Variants in FAM13B observed in about 807,000 individuals in gnomAD.
FAM13B encodes the protein family with sequence similarity 13 member B.
FAM13B carries 60 observed loss-of-function variants against 117.3 expected under a neutral mutation model. The ratio of observed to expected loss-of-function variants is 0.51; its 90% CI spans 0.42 to 0.63. The LOEUF is 0.63. FAM13B is among the 30% of genes least tolerant of loss of function. FAM13B has a pLI of 0.00. For missense variants in FAM13B, 972 were observed against 1,091.9 expected (o/e 0.89, Z 1.55); for synonymous variants, 332 against 356.1 (o/e 0.93, Z 0.76).
At chr5:137,988,173 G>T (rs1777699743) in intron 8 of FAM13B, 101 bp downstream of exon 8, 4 of 858,276 alleles carry the variant, frequency 4.7e-6, no homozygotes, top group East Asian at 5.9e-5. Flanking sequence ...CCTGTGTACA[G>T]TCTTTCCTCT....
At position 137,939,788 on chromosome 5, in the gene FAM13B, A is replaced by C; in HGVS notation, c.*437T>G. 8.8e-7 allele frequency: 1 copy of C among 1,131,832 alleles called. No homozygotes were observed. Among genetic ancestry groups the C allele is most frequent in the Non-Finnish European group, 1.1e-6 (1 of 907,776 alleles). The allele number at this position is 1,131,832 out of a possible 1,614,324, so 70.1% of individuals were successfully genotyped here. A position where few individuals can be genotyped will look rare whatever the true frequency, so the allele number is the denominator to read the frequency against. On this transcript the variant is annotated 3_prime_UTR_variant, in exon 24 of 24. Coordinates refer to ENST00000689681, the MANE Select transcript of FAM13B (RefSeq NM_001385994.1). ...GCACTTTTATAGGCTTTTCTTTCAA[A>C]TTTTCAGTCATTCTGTAAGAAAAAG...
intron 20 of FAM13B, among the ~76,000 whole-genome samples, chr5:137,944,222 T>C (rs893420392): frequency 2.0e-5 from 3 of 152,138 alleles, no homozygotes. Context: ...GGCTGAAGAG[T>C]ATTTTGAGTG....
In FAM13B at chr5:138,032,884, G is replaced by A. The variant is rs1046582485; in HGVS notation, c.-305C>T. 1.3e-5 allele frequency: 13 copies of A among 985,638 alleles called. No individual in the cohort carries two copies. In the East Asian group the frequency reaches 3.4e-4, roughly 26 times the overall value. 61.1% of individuals were successfully genotyped at this position (985,638 alleles called of 1,614,324 possible). ...TGAGGCCCCAAGTGGCTCCGCGGCC[G>A]AGAAGCCTCTTCCTGGGGCGGCCGC... is the stretch of plus-strand genomic sequence containing the variant. On this transcript the variant is annotated 5_prime_UTR_variant, in exon 1 of 24. Transcript: ENST00000689681.
chr5:137,943,478 G>T (rs1274284620), intron 20 of FAM13B, among the ~76,000 whole-genome samples: 2 of 152,244 alleles, frequency 1.3e-5, no homozygotes, highest in Non-Finnish European at 2.9e-5. Context: ...CAGGCACGGT[G>T]GCTAACGCCT....
Position 138,043,154 on chromosome 5 carries a change from A to T in FAM13B, c.-203+8724T>A, listed in dbSNP as rs146688333. On this transcript the variant is annotated intron_variant, in intron 1 of 3. Transcript: ENST00000502471. ...AGGCCAGCAAGAATCACTTGAGGCC[A>T]GGAATTGGAGACCAGCCTGAGCACC... Among the ~76,000 whole-genome samples, 533 of 152,308 alleles carry T rather than the reference A, an allele frequency of 3.5e-3. 2 individuals are homozygous for T. The highest frequency in any genetic ancestry group is 0.012 in the African/African-American group (516 of 41,582).
At chr5:138,022,112 C>CAAA (rs34110085) in intron 1 of FAM13B, among the ~76,000 whole-genome samples, 3 of 135,618 alleles carry the variant, frequency 2.2e-5, no homozygotes, top group Admixed American at 7.3e-5. Flanking sequence ...GATCCTGTCT[C>CAAA]AAAAAAAAAA....
At chr5:137,952,866 T>A (rs1765431419) in intron 16 of FAM13B, among the ~76,000 whole-genome samples, 157 bp from the exon 17 acceptor site, 1 of 152,202 alleles carries the variant, frequency 6.6e-6, no homozygotes, top group South Asian at 2.1e-4. Context: ...AGTCAAGTTC[T>A]CCCAAGGTAA....
At chr5:138,010,863 C>T in intron 6 of FAM13B, 145 bp downstream of exon 6, 1 of 813,112 alleles carries the variant, frequency 1.2e-6, no homozygotes, top group South Asian at 3.0e-5. Flanking sequence ...AATGTGCCAC[C>T]TACTGATTAC....
intron 16 of FAM13B, 58 bp from the exon 17 acceptor site, chr5:137,952,767 T>G: frequency 9.9e-7 from 1 of 1,010,770 alleles, no homozygotes; most frequent in East Asian, 2.4e-5. Flanking sequence ...TTACATTAAT[T>G]TATGTCCAAA....
chr5:138,049,569 G>A (rs1791743193), intron 1 of FAM13B, among the ~76,000 whole-genome samples: 1 of 152,022 alleles, frequency 6.6e-6, no homozygotes, highest in African/African-American at 2.4e-5. Flanking sequence ...CACCGTGCCC[G>A]GCCTAGAGTG....
Position 137,949,139 on chromosome 5 carries a change from C to T in FAM13B, c.1976G>A (p.Arg659His), listed in dbSNP as rs1040056872. The stretch of plus-strand genomic sequence containing the variant: ...TTTTGGAAGTGTGTTACTACGTGGA[C>T]GTGTCTGAGGTACAAATTCTCCATC... Reference protein sequence around the residue: ...NSDGEFVPQTRPRSNTLPKSF... With the variant: ...NSDGEFVPQTHPRSNTLPKSF... Residue 659 changes from arginine (R) to histidine (H), a missense_variant, in exon 18 of 24, where the codon CGT becomes CAT. Coordinates refer to ENST00000689681, the MANE Select transcript of FAM13B (RefSeq NM_001385994.1). 13 of 1,614,028 alleles carry T rather than the reference C, an allele frequency of 8.1e-6. No homozygotes were observed. Among genetic ancestry groups the T allele is most frequent in the East Asian group, 2.2e-5 (1 of 44,866 alleles).
chr5:137,956,653 C>A, intron 13 of FAM13B, 111 bp from the exon 14 acceptor site: 1 of 556,708 alleles, frequency 1.8e-6, no homozygotes, highest in East Asian at 3.5e-5. Context: ...TTCCCTAAAA[C>A]CAGTTAGGCA....
At chr5:137,979,370 G>A (rs1774981547) in intron 10 of FAM13B, among the ~76,000 whole-genome samples, 1 of 152,024 alleles carries the variant, frequency 6.6e-6, no homozygotes, top group Non-Finnish European at 1.5e-5. Context: ...GATTGTTGTT[G>A]TCCTTACCCC....
At chr5:137,969,992 C>A (rs896865369) in intron 10 of FAM13B, among the ~76,000 whole-genome samples, 2 of 152,134 alleles carry the variant, frequency 1.3e-5, no homozygotes, top group African/African-American at 2.4e-5. Flanking sequence ...GATTGGTGTA[C>A]CTGCAAGTGA....
At chr5:137,950,363 TA>T (rs2150188930) in intron 17 of FAM13B, among the ~76,000 whole-genome samples, 1 of 152,192 alleles carries the variant, frequency 6.6e-6, no homozygotes, top group East Asian at 1.9e-4. Context: ...AGTGAGGCAA[TA>T]GCCAGTGTGA....
At chr5:137,953,223 G>C in intron 16 of FAM13B, 113 bp downstream of exon 16, 1 of 1,123,478 alleles carries the variant, frequency 8.9e-7, no homozygotes, top group South Asian at 1.6e-5. Flanking sequence ...GTTCCTCCGG[G>C]TATCTCAGAT....
intron 10 of FAM13B, among the ~76,000 whole-genome samples, chr5:137,973,373 T>C (rs1772898883): frequency 6.6e-6 from 1 of 152,082 alleles, no homozygotes; most frequent in South Asian, 2.1e-4. Flanking sequence ...ATTCCCTATT[T>C]AATAAATGGT....
intron 18 of FAM13B, 114 bp downstream of exon 18, chr5:137,948,841 G>A (rs1764138163): frequency 1.4e-6 from 1 of 720,538 alleles, no homozygotes; most frequent in Non-Finnish European, 2.3e-6. Context: ...TGCAAAGATG[G>A]GGAGCAGATT....
At chr5:137,940,753 A>C (rs977357761) in intron 23 of FAM13B, among the ~76,000 whole-genome samples, 1 of 152,224 alleles carries the variant, frequency 6.6e-6, no homozygotes, top group Non-Finnish European at 1.5e-5. Context: ...TCTTATCTGC[A>C]ACAAGAGTAA....
Sources: allele counts gnomAD v4.1 joint callset (sites outside exome capture counted in the v4.1 genomes callset), GRCh38; gene constraint gnomAD v4.1.1; transcripts MANE v1.5; gene names NCBI Gene and HGNC (gene_info 2026-07-23, HGNC 2026-07-21).